CHSY3: variants seen among roughly 807,000 people sequenced by gnomAD.
CHSY3 encodes the protein N-acetylgalactosaminyl-proteoglycan 3-beta-glucuronosyltransferase 3.
CHSY3 carries 35 observed loss-of-function variants against 67.2 expected under a neutral mutation model. The ratio of observed to expected loss-of-function variants is 0.52; its 90% CI spans 0.40 to 0.69. The LOEUF (loss-of-function observed/expected upper bound fraction) is 0.69, where lower values mean the gene tolerates loss of function less well. Among genes scored for constraint, CHSY3 ranks in the 30% least tolerant of loss-of-function variants. The probability of loss-of-function intolerance (pLI) is 0.00; values close to 1 mark genes in which losing one functional copy is unlikely to be tolerated. For synonymous variants in CHSY3, 474 were observed against 434.7 expected (o/e 1.09, Z -1.12); for missense variants, 1,069 against 1,138.5 (o/e 0.94, Z 0.88).
At chr5:129,981,996 A>G (rs1214858744) in intron 2 of CHSY3, among the ~76,000 whole-genome samples, 1 of 152,166 alleles carries the variant, frequency 6.6e-6, no homozygotes, top group East Asian at 1.9e-4. Context: ...GCTAGATTAC[A>G]TGAGTTGATT....
At chr5:130,060,460 G>T (rs895039415) in intron 2 of CHSY3, among the ~76,000 whole-genome samples, 1 of 152,052 alleles carries the variant, frequency 6.6e-6, no homozygotes, top group African/African-American at 2.4e-5. Flanking sequence ...TTATCATACT[G>T]CATGGGGAAA....
chr5:130,088,384 T>A (rs1466958189), intron 2 of CHSY3, among the ~76,000 whole-genome samples: 1 of 148,164 alleles, frequency 6.7e-6, no homozygotes, highest in Non-Finnish European at 1.5e-5. Flanking sequence ...AAAGATCTAA[T>A]TAAACTAAAG....
chr5:129,958,398 A>G (rs1040695239), intron 2 of CHSY3, among the ~76,000 whole-genome samples: 2 of 152,126 alleles, frequency 1.3e-5, no homozygotes, highest in African/African-American at 4.8e-5. Context: ...TAGGAAGGAT[A>G]TGAGCGTATT....
chr5:130,145,211 A>G (rs1769035818), intron 2 of CHSY3, among the ~76,000 whole-genome samples: 1 of 152,198 alleles, frequency 6.6e-6, no homozygotes, highest in Non-Finnish European at 1.5e-5. Context: ...TATCCAAACC[A>G]TTCACATCAA....
At chr5:129,946,678 A>G (rs1000776160) in intron 2 of CHSY3, among the ~76,000 whole-genome samples, 15 of 152,190 alleles carry the variant, frequency 9.9e-5, no homozygotes, top group African/African-American at 3.4e-4. Context: ...GATTCCACAT[A>G]TAAGTGCCTT....
intron 2 of CHSY3, among the ~76,000 whole-genome samples, chr5:129,927,652 T>C (rs766627694): frequency 1.3e-5 from 2 of 152,106 alleles, no homozygotes; most frequent in African/African-American, 2.4e-5. Flanking sequence ...TTTTATTGTA[T>C]AGTGGCACAT....
chr5:130,028,172 G>A (rs1265010446), intron 2 of CHSY3, among the ~76,000 whole-genome samples: 1 of 152,028 alleles, frequency 6.6e-6, no homozygotes, highest in Non-Finnish European at 1.5e-5. Flanking sequence ...CTACTTTAAA[G>A]TTCATATGGA....
chr5:130,104,532 G>A (rs1767353975), intron 2 of CHSY3, among the ~76,000 whole-genome samples: 1 of 151,744 alleles, frequency 6.6e-6, no homozygotes. Flanking sequence ...CACACCAAAA[G>A]CCAAAGGTTC....
At chr5:130,116,533 C>T (rs994067024) in intron 2 of CHSY3, among the ~76,000 whole-genome samples, 11 of 152,234 alleles carry the variant, frequency 7.2e-5, no homozygotes, top group African/African-American at 2.6e-4. Flanking sequence ...GCTTAATTGG[C>T]ACTCACTTTT....
At chr5:130,055,790 A>T (rs13166849) in intron 2 of CHSY3, among the ~76,000 whole-genome samples, 1 of 152,038 alleles carries the variant, frequency 6.6e-6, no homozygotes, top group African/African-American at 2.4e-5. Flanking sequence ...TGAGTCCCGG[A>T]CATTTTAACA....
At chr5:130,141,322 C>A in intron 2 of CHSY3, 1 of 388,092 alleles carries the variant, frequency 2.6e-6, no homozygotes, top group Admixed American at 3.3e-5. Flanking sequence ...ACTTTGACAA[C>A]CAGCGTGGTG....
intron 2 of CHSY3, among the ~76,000 whole-genome samples, chr5:129,967,666 T>C (rs184776086): frequency 1.4e-3 from 216 of 151,918 alleles, no homozygotes; most frequent in Middle Eastern, 0.01. Context: ...TTAATTGGCA[T>C]GTGATTTGGG....
intron 2 of CHSY3, among the ~76,000 whole-genome samples, chr5:130,125,360 C>A (rs564285779): frequency 1.3e-5 from 2 of 151,918 alleles, no homozygotes; most frequent in Admixed American, 1.3e-4. Context: ...GAGGCTGCAG[C>A]GAGCTGTGAT....
At chr5:130,087,838 G>T (rs1394393169) in intron 2 of CHSY3, among the ~76,000 whole-genome samples, 2 of 151,174 alleles carry the variant, frequency 1.3e-5, no homozygotes, top group African/African-American at 4.9e-5. Flanking sequence ...AGCTACCAAT[G>T]ACTTTCTTCA....
intron 2 of CHSY3, among the ~76,000 whole-genome samples, chr5:130,177,159 T>G (rs1437238528): frequency 6.6e-6 from 1 of 150,856 alleles, no homozygotes; most frequent in Admixed American, 6.7e-5. Flanking sequence ...ATATGGGGCA[T>G]ATAATAATTT....
At chr5:129,984,463 A>T (rs913931883) in intron 2 of CHSY3, among the ~76,000 whole-genome samples, 1 of 151,854 alleles carries the variant, frequency 6.6e-6, no homozygotes, top group Non-Finnish European at 1.5e-5. Context: ...ACATCTTTGC[A>T]ACAGTCAGCA....
intron 2 of CHSY3, among the ~76,000 whole-genome samples, chr5:130,006,773 AG>A (rs1175123596): frequency 2.0e-5 from 3 of 152,320 alleles, no homozygotes; most frequent in South Asian, 2.1e-4. Context: ...GCATATAGGA[AG>A]GGGATATATT....
intron 2 of CHSY3, among the ~76,000 whole-genome samples, chr5:129,978,921 G>A (rs145440263): frequency 0.026 from 3,887 of 151,936 alleles, 172 homozygotes; most frequent in African/African-American, 0.088. Context: ...CTAATTGGCC[G>A]GGCGTGGTGG....
intron 2 of CHSY3, among the ~76,000 whole-genome samples, chr5:130,097,898 C>T (rs1320777229): frequency 6.6e-6 from 1 of 151,818 alleles, no homozygotes; most frequent in African/African-American, 2.4e-5. Flanking sequence ...CCCAGCTACT[C>T]GGGAGACTGA....
Sources: allele counts gnomAD v4.1 joint callset (sites outside exome capture counted in the v4.1 genomes callset), GRCh38; gene constraint gnomAD v4.1.1; transcripts MANE v1.5; gene names NCBI Gene and HGNC (gene_info 2026-07-23, HGNC 2026-07-21).